The following C8orf34 variants were observed in gnomAD, a reference collection of about 807,000 sequenced individuals.
The protein encoded by C8orf34 is chromosome 8 open reading frame 34, also known as uncharacterized protein C8orf34.
In C8orf34, 65 loss-of-function variants were observed where a neutral mutation model predicts 68.3. The ratio of observed to expected loss-of-function variants is 0.95; its 90% confidence interval spans 0.78 to 1.17. The LOEUF (loss-of-function observed/expected upper bound fraction) is 1.17, where lower values mean the gene tolerates loss of function less well. C8orf34 is among the 50% of genes most tolerant of loss of function. The pLI is 0.00. For missense variants in C8orf34, 664 were observed against 655.4 expected, an observed-to-expected ratio of 1.01 and a Z score of -0.14; for synonymous variants, 244 against 241.2, an observed-to-expected ratio of 1.01 and a Z score of -0.11.
intron 5 of C8orf34, among the ~76,000 whole-genome samples, chr8:68,500,735 A>G (rs1397052636): frequency 6.6e-6 from 1 of 152,226 alleles, no homozygotes; most frequent in Non-Finnish European, 1.5e-5. Flanking sequence ...CAAAATACGA[A>G]CCAACAGTGT....
At chr8:68,383,810 A>G (rs953795645) in intron 1 of C8orf34, among the ~76,000 whole-genome samples, 1 of 152,232 alleles carries the variant, frequency 6.6e-6, no homozygotes, top group African/African-American at 2.4e-5. Context: ...CAATGTGTCC[A>G]GGAGAATAGC....
intron 1 of C8orf34, among the ~76,000 whole-genome samples, chr8:68,422,608 C>T (rs527658648): frequency 6.6e-6 from 1 of 152,312 alleles, no homozygotes; most frequent in African/African-American, 2.4e-5. Flanking sequence ...ACAGTGCCAA[C>T]TGTTGGTGGA....
At chr8:68,548,767 C>A (rs1391111430) in intron 7 of C8orf34, among the ~76,000 whole-genome samples, 6 of 151,656 alleles carry the variant, frequency 4.0e-5, no homozygotes. Flanking sequence ...GAACACAATA[C>A]AAATGTCAAT....
intron 8 of C8orf34, among the ~76,000 whole-genome samples, chr8:68,698,551 G>A (rs1418573231): frequency 2.0e-5 from 3 of 152,010 alleles, no homozygotes; most frequent in African/African-American, 4.8e-5. Context: ...TTTTCACCAC[G>A]TACATATGTG....
chr8:68,601,706 A>G (rs1388654829), intron 7 of C8orf34, among the ~76,000 whole-genome samples: 2 of 151,536 alleles, frequency 1.3e-5, no homozygotes, highest in Non-Finnish European at 2.9e-5. Context: ...GATAACTGCA[A>G]TATCCATCCA....
In C8orf34 at chr8:68,804,385, G is replaced by A. The variant is rs559449985; in HGVS notation, c.1550-11501G>A. On this transcript the variant is annotated intron_variant, in intron 12 of 13. Transcript: ENST00000518698. ...CATGCTTTTATAAATCAAATCAGAT[G>A]CAAGAATTTTATAAATACCCTTGAA... Among the ~76,000 whole-genome samples the A allele has an allele frequency of 2.6e-5, 4 of 152,244 alleles. No individual in the cohort carries two copies. In the South Asian group the frequency reaches 8.3e-4, roughly 32 times the overall value.
chr8:68,745,066 T>TG, intron 10 of C8orf34, among the ~76,000 whole-genome samples: 1 of 151,340 alleles, frequency 6.6e-6, no homozygotes, highest in Non-Finnish European at 1.5e-5. Context: ...CAGAAGAGAG[T>TG]GGGGGCCAAT....
chr8:68,404,879 T>A (rs1195589047), intron 1 of C8orf34, among the ~76,000 whole-genome samples: 1 of 152,050 alleles, frequency 6.6e-6, no homozygotes, highest in East Asian at 1.9e-4. Context: ...AAATTTAAAG[T>A]AGTTTTTTTT....
At chr8:68,635,811 C>T (rs1223312159) in intron 7 of C8orf34, among the ~76,000 whole-genome samples, 1 of 152,078 alleles carries the variant, frequency 6.6e-6, no homozygotes, top group Non-Finnish European at 1.5e-5. Context: ...TCCTCTTATG[C>T]ACATTTCTTC....
chr8:68,773,695 TC>T (rs1823419592), intron 10 of C8orf34, among the ~76,000 whole-genome samples: 1 of 150,936 alleles, frequency 6.6e-6, no homozygotes. Context: ...CCTCCGAGAG[TC>T]TTTTGCTTTA....
intron 1 of C8orf34, among the ~76,000 whole-genome samples, chr8:68,437,507 A>G (rs1165081528): frequency 6.6e-6 from 1 of 152,180 alleles, no homozygotes; most frequent in African/African-American, 2.4e-5. Context: ...AATTAGTTCA[A>G]ATAAAGCATA....
intron 12 of C8orf34, among the ~76,000 whole-genome samples, chr8:68,802,428 A>C (rs1824359143): frequency 6.6e-6 from 1 of 152,146 alleles, no homozygotes. Context: ...AAATAAGTAC[A>C]TAGCATTTTA....
Position 68,446,400 on chromosome 8 carries a change from A to T in C8orf34, c.547A>T (p.Lys183Ter). The T allele has an allele frequency of 1.2e-6, 2 of 1,613,052 alleles. No homozygotes were observed. The highest frequency in any genetic ancestry group is 1.7e-6 in the Non-Finnish European group (2 of 1,179,552). Reference protein sequence around the residue: ...PWQLNAKKPKKSKSDLAVSNI... With the variant: ...PWQLNAKKPK ...GCAATTAAATGCAAAGAAGCCTAAA[A>T]AATCAAAAAGTGACCTTGCTGTGTC... Residue 183 changes from lysine (K) to a stop codon, truncating the protein, a stop_gained, in exon 3 of 14, where the codon AAA becomes TAA. Coordinates refer to ENST00000518698, the MANE Select transcript of C8orf34 (RefSeq NM_052958.4). LOFTEE classifies it high-confidence loss of function.
intron 9 of C8orf34, among the ~76,000 whole-genome samples, chr8:68,713,110 G>C (rs181902521): frequency 6.6e-6 from 1 of 152,162 alleles, no homozygotes; most frequent in Admixed American, 6.5e-5. Context: ...AAATTAAAAA[G>C]TTCTTTGAAC....
At chr8:68,388,323 A>G (rs1377866610) in intron 1 of C8orf34, among the ~76,000 whole-genome samples, 1 of 152,112 alleles carries the variant, frequency 6.6e-6, no homozygotes, top group Non-Finnish European at 1.5e-5. Context: ...GCCCCAGTGG[A>G]GTCTGACATA....
chr8:68,744,077 C>T (rs1047819891), intron 10 of C8orf34, among the ~76,000 whole-genome samples: 6 of 152,210 alleles, frequency 3.9e-5, no homozygotes, highest in African/African-American at 1.4e-4. Flanking sequence ...TCCCTGACCC[C>T]TGACCCCCAA....
chr8:68,466,070 C>T (rs966589488), intron 3 of C8orf34, among the ~76,000 whole-genome samples: 5 of 150,020 alleles, frequency 3.3e-5, no homozygotes, highest in Non-Finnish European at 4.4e-5. Flanking sequence ...TCATGTCATT[C>T]TCAGCAACAC....
chr8:68,761,256 A>G (rs1447881147), intron 10 of C8orf34, among the ~76,000 whole-genome samples: 1 of 152,188 alleles, frequency 6.6e-6, no homozygotes, highest in Non-Finnish European at 1.5e-5. Flanking sequence ...GGAAGAGACC[A>G]CAACAGAAAT....
At chr8:68,574,435 A>G (rs1488823659) in intron 7 of C8orf34, among the ~76,000 whole-genome samples, 1 of 152,050 alleles carries the variant, frequency 6.6e-6, no homozygotes, top group African/African-American at 2.4e-5. Context: ...AATTAGCATA[A>G]GATTAGTATC....
Sources: allele counts gnomAD v4.1 joint callset (sites outside exome capture counted in the v4.1 genomes callset), GRCh38; gene constraint gnomAD v4.1.1; transcripts MANE v1.5; gene names NCBI Gene and HGNC (gene_info 2026-07-23, HGNC 2026-07-21).